Variants in ZBTB20 observed in about 807,000 individuals in gnomAD.
ZBTB20 encodes zinc finger and BTB domain-containing protein 20.
In ZBTB20, 9 loss-of-function variants were observed where a neutral mutation model predicts 56.9. That is an observed-to-expected ratio of 0.16 (90% CI 0.10 to 0.28). ZBTB20 has a LOEUF of 0.28. ZBTB20 is among the 10% of genes least tolerant of loss of function. ZBTB20 has a pLI of 1.00. For missense variants in ZBTB20, 655 were observed against 1,003.0 expected (o/e 0.65, Z 4.69); for synonymous variants, 417 against 420.7 (o/e 0.99, Z 0.11).
chr3:115,134,367 A>C (rs1029342993), intron 1 of ZBTB20, among the ~76,000 whole-genome samples: 6 of 152,214 alleles, frequency 3.9e-5, no homozygotes, highest in African/African-American at 1.4e-4. Context: ...TCTGCTCTCT[A>C]AAACTCAGTT....
chr3:114,388,035 G>T (rs1003990340), intron 8 of ZBTB20: 1 of 152,166 alleles, frequency 6.6e-6, no homozygotes, highest in Non-Finnish European at 1.5e-5. Context: ...AATAGCTAAA[G>T]ACATAGAAAT....
intron 7 of ZBTB20, among the ~76,000 whole-genome samples, chr3:114,483,578 A>C (rs1039458274): frequency 6.6e-6 from 1 of 152,140 alleles, no homozygotes; most frequent in Non-Finnish European, 1.5e-5. Flanking sequence ...AATTATTTAC[A>C]TGGCTCTACC....
chr3:114,795,251 G>T (rs2108820171), intron 5 of ZBTB20, among the ~76,000 whole-genome samples: 1 of 152,160 alleles, frequency 6.6e-6, no homozygotes, highest in East Asian at 1.9e-4. Flanking sequence ...GTTAGCATGT[G>T]TATATTATTT....
At chr3:114,426,213 C>A (rs1190487510) in intron 7 of ZBTB20, among the ~76,000 whole-genome samples, 1 of 151,932 alleles carries the variant, frequency 6.6e-6, no homozygotes, top group Non-Finnish European at 1.5e-5. Flanking sequence ...GTGGCGGGCG[C>A]CTGTAGTCCC....
At chr3:114,761,949 T>A (rs1293545686) in intron 5 of ZBTB20, among the ~76,000 whole-genome samples, 1 of 152,204 alleles carries the variant, frequency 6.6e-6, no homozygotes, top group Non-Finnish European at 1.5e-5. Context: ...AGTTAAAGAT[T>A]ACCACATACA....
intron 7 of ZBTB20, among the ~76,000 whole-genome samples, chr3:114,391,151 T>C (rs1279354753): frequency 6.6e-6 from 1 of 152,204 alleles, no homozygotes; most frequent in African/African-American, 2.4e-5. Context: ...GGTTTCACTT[T>C]TCCAGTTTTT....
chr3:114,466,385 T>C (rs1317976542), intron 7 of ZBTB20, among the ~76,000 whole-genome samples: 2 of 152,176 alleles, frequency 1.3e-5, no homozygotes, highest in African/African-American at 4.8e-5. Context: ...ACAGTCCAAG[T>C]TCCTATCTGT....
At position 114,429,448 on chromosome 3, in the gene ZBTB20, G is replaced by GT. The variant is rs143228649; in HGVS notation, c.-254-40344dup. 5.4e-3 allele frequency among the ~76,000 whole-genome samples: 816 copies of GT among 152,214 alleles called. 12 individuals are homozygous for GT. The highest frequency in any genetic ancestry group is 0.019 in the African/African-American group (790 of 41,516). On this transcript the variant is annotated intron_variant, in intron 7 of 11. Coordinates refer to ENST00000675478, the MANE Select transcript of ZBTB20 (RefSeq NM_001348800.3). ...TTTCAGCTATTCGGTGCATTTGGATGTTTTTTTCCCTTTAGAATCCATCCT... is the reference window on the plus strand; with the variant it reads ...TTTCAGCTATTCGGTGCATTTGGATGTTTTTTTTCCCTTTAGAATCCATCCT...
At chr3:115,015,836 G>A (rs2079931030) in intron 2 of ZBTB20, among the ~76,000 whole-genome samples, 1 of 151,874 alleles carries the variant, frequency 6.6e-6, no homozygotes, top group African/African-American at 2.4e-5. Context: ...TATATACCCA[G>A]TAATGGGATT....
intron 2 of ZBTB20, among the ~76,000 whole-genome samples, chr3:115,070,283 A>AACTTTTT (rs777420428): frequency 0.015 from 2,338 of 152,266 alleles, 33 homozygotes; most frequent in South Asian, 0.05. Context: ...AAGTCTTTCC[A>AACTTTTT]AAGCACCAAC....
chr3:114,815,036 T>C (rs2072816357), intron 4 of ZBTB20, among the ~76,000 whole-genome samples: 2 of 152,230 alleles, frequency 1.3e-5, no homozygotes, highest in African/African-American at 4.8e-5. Context: ...AGCTGTTACA[T>C]GTAACATAAA....
chr3:114,768,035 A>G (rs1294689330), intron 5 of ZBTB20, among the ~76,000 whole-genome samples: 1 of 152,136 alleles, frequency 6.6e-6, no homozygotes, highest in East Asian at 1.9e-4. Context: ...TCTGAAATTC[A>G]TCCCTGCACC....
intron 2 of ZBTB20, among the ~76,000 whole-genome samples, chr3:115,006,070 A>G (rs2079455680): frequency 6.7e-6 from 1 of 150,148 alleles, no homozygotes. Context: ...TCTTCTATGG[A>G]GGCTTCAAAC....
intron 6 of ZBTB20, among the ~76,000 whole-genome samples, chr3:114,560,903 C>T (rs1333600636): frequency 6.6e-6 from 1 of 152,198 alleles, no homozygotes; most frequent in African/African-American, 2.4e-5. Context: ...CACAGTAGAA[C>T]TTCTTTCAAA....
At chr3:114,660,210 T>A (rs1030581645) in intron 6 of ZBTB20, among the ~76,000 whole-genome samples, 1 of 152,188 alleles carries the variant, frequency 6.6e-6, no homozygotes, top group Non-Finnish European at 1.5e-5. Flanking sequence ...GTGATAGTTC[T>A]GCTCAACGAG....
intron 5 of ZBTB20, among the ~76,000 whole-genome samples, chr3:114,748,355 TCTC>T (rs2067278455): frequency 7.3e-6 from 1 of 137,820 alleles, no homozygotes; most frequent in Non-Finnish European, 1.6e-5. Context: ...CTTTCTTTTC[TCTC>T]TCTCTCTCTC....
At chr3:115,128,250 A>G (rs1243457341) in intron 1 of ZBTB20, among the ~76,000 whole-genome samples, 2 of 152,232 alleles carry the variant, frequency 1.3e-5, no homozygotes, top group African/African-American at 4.8e-5. Context: ...CACAAGTAGA[A>G]GGTGAAAACG....
intron 3 of ZBTB20, among the ~76,000 whole-genome samples, chr3:114,960,314 C>T (rs142811053): frequency 3.9e-5 from 6 of 152,206 alleles, no homozygotes; most frequent in East Asian, 1.9e-4. Context: ...TGAGAGAATG[C>T]TTTTATAAAT....
intron 7 of ZBTB20, among the ~76,000 whole-genome samples, chr3:114,415,402 A>C (rs2088435044): frequency 6.6e-6 from 1 of 152,088 alleles, no homozygotes; most frequent in African/African-American, 2.4e-5. Context: ...CTGGCTCTTG[A>C]TACAAATTTG....
Sources: allele counts gnomAD v4.1 joint callset (sites outside exome capture counted in the v4.1 genomes callset), GRCh38; gene constraint gnomAD v4.1.1; transcripts MANE v1.5; gene names NCBI Gene and HGNC (gene_info 2026-07-23, HGNC 2026-07-21).